INPP4B: variants seen among roughly 807,000 people sequenced by gnomAD.
INPP4B encodes the protein inositol polyphosphate 4-phosphatase type II.
A neutral mutation model predicts 122.5 loss-of-function variants in INPP4B; 55 were observed. The ratio of observed to expected loss-of-function variants is 0.45; its 90% CI spans 0.36 to 0.56. The LOEUF (loss-of-function observed/expected upper bound fraction) is 0.56. Ranked by LOEUF, INPP4B falls within the 20% of genes least tolerant of loss-of-function variation. The probability of loss-of-function intolerance (pLI) is 0.00; values close to 1 mark genes in which losing one functional copy is unlikely to be tolerated. For synonymous variants in INPP4B, 403 were observed against 388.7 expected (o/e 1.04, Z -0.43); for missense variants, 1,000 against 1,097.7 (o/e 0.91, Z 1.26).
intron 7 of INPP4B, among the ~76,000 whole-genome samples, chr4:142,381,741 T>G (rs1340606243): frequency 6.6e-6 from 1 of 152,120 alleles, no homozygotes; most frequent in Non-Finnish European, 1.5e-5. Context: ...TAATAAACTG[T>G]AATATTATTT....
At position 142,026,587 on chromosome 4, in the gene INPP4B, C is replaced by T. The variant is rs1349402502; in HGVS notation, c.*2195G>A. The T allele has an allele frequency of 6.6e-6, 1 of 152,530 alleles. No homozygotes were observed. The highest frequency in any genetic ancestry group is 2.1e-4 in the South Asian group (1 of 4,844). 9.4% of individuals were successfully genotyped at this position (152,530 alleles called of 1,614,324 possible). ...GTTCAAGCGATTCTCTTGCCTCAGC[C>T]TCCCAAGTAGCTGGGATTACACGTG... On this transcript the variant is annotated 3_prime_UTR_variant, in exon 26 of 26. Transcript: ENST00000262992.
At chr4:142,499,400 C>A (rs1178950337) in intron 2 of INPP4B, among the ~76,000 whole-genome samples, 1 of 151,956 alleles carries the variant, frequency 6.6e-6, no homozygotes, top group Non-Finnish European at 1.5e-5. Flanking sequence ...GGGATTTTAA[C>A]AAGAAACTCA....
At chr4:142,311,650 T>C (rs1346590671) in intron 8 of INPP4B, among the ~76,000 whole-genome samples, 1 of 152,194 alleles carries the variant, frequency 6.6e-6, no homozygotes, top group African/African-American at 2.4e-5. Context: ...CTTTCTGCCC[T>C]TTCTTCATTA....
rs183656898 is a variant in INPP4B at position 142,488,614 on chromosome 4, G to C, written c.-190-25888C>G. 7.0e-4 allele frequency among the ~76,000 whole-genome samples: 106 copies of C among 152,128 alleles called. 1 individual carries two copies. The highest frequency in any genetic ancestry group is 2.5e-3 in the African/African-American group (104 of 41,548). Reference sequence around the variant, plus strand: ...TTACTTATGTCAATTTTGTTAAGTTGTGATTTTTTAAGAGAATTCTTCATT... The same window carrying C: ...TTACTTATGTCAATTTTGTTAAGTTCTGATTTTTTAAGAGAATTCTTCATT... On this transcript the variant is annotated intron_variant, in intron 2 of 25. Transcript: ENST00000262992.
At chr4:142,194,137 G>A (rs1399756651) in intron 14 of INPP4B, among the ~76,000 whole-genome samples, 1 of 152,076 alleles carries the variant, frequency 6.6e-6, no homozygotes, top group Non-Finnish European at 1.5e-5. Flanking sequence ...GTTCAATCCA[G>A]ATGCATCTAA....
intron 14 of INPP4B, among the ~76,000 whole-genome samples, chr4:142,199,411 T>C (rs1315879386): frequency 6.6e-6 from 1 of 152,024 alleles, no homozygotes; most frequent in African/African-American, 2.4e-5. Context: ...AATATGTATA[T>C]ATATTCTGGA....
intron 23 of INPP4B, among the ~76,000 whole-genome samples, chr4:142,098,823 T>C (rs979036482): frequency 2.0e-5 from 3 of 152,000 alleles, no homozygotes; most frequent in Non-Finnish European, 4.4e-5. Context: ...GCTGGAGATG[T>C]AGATATGAAG....
chr4:142,646,359 A>T (rs1480491982), intron 2 of INPP4B, among the ~76,000 whole-genome samples: 1 of 152,108 alleles, frequency 6.6e-6, no homozygotes, highest in East Asian at 1.9e-4. Context: ...TCCTATTTTT[A>T]AAAAAGAAGA....
At position 142,023,265 on chromosome 4, in the gene INPP4B, A is replaced by T. The variant is rs904367566; in HGVS notation, c.*5517T>A. ...AAAATGATATCTCTTAAATGCCAAC[A>T]TAAAATGATCTATTTATGCCTAGAA... On this transcript the variant is annotated 3_prime_UTR_variant, in exon 26 of 26. Coordinates refer to ENST00000262992, the MANE Select transcript of INPP4B (RefSeq NM_001101669.3). 1.1e-4 allele frequency: 16 copies of T among 152,204 alleles called. No homozygotes were observed. The highest frequency in any genetic ancestry group is 3.6e-4 in the African/African-American group (15 of 41,458). 9.4% of individuals were successfully genotyped at this position (152,204 alleles called of 1,614,324 possible). A position where few individuals can be genotyped will look rare whatever the true frequency, so the allele number is the denominator to read the frequency against.
intron 2 of INPP4B, among the ~76,000 whole-genome samples, chr4:142,553,999 G>T (rs2150088096): frequency 6.6e-6 from 1 of 152,076 alleles, no homozygotes; most frequent in African/African-American, 2.4e-5. Context: ...GACCAGCCTG[G>T]CCAACATGCT....
intron 1 of INPP4B, among the ~76,000 whole-genome samples, chr4:142,830,629 C>T (rs561312558): frequency 6.6e-6 from 1 of 152,076 alleles, no homozygotes; most frequent in South Asian, 2.1e-4. Context: ...ATAATGGCCA[C>T]ATAGAGATCC....
chr4:142,720,579 TATAA>T (rs947627032), intron 2 of INPP4B, among the ~76,000 whole-genome samples: 5 of 151,548 alleles, frequency 3.3e-5, no homozygotes, highest in African/African-American at 1.2e-4. Flanking sequence ...GTAAACGCTA[TATAA>T]ATAGTTGTTT....
intron 7 of INPP4B, among the ~76,000 whole-genome samples, chr4:142,381,834 C>A (rs970265426): frequency 6.6e-6 from 1 of 152,042 alleles, no homozygotes; most frequent in South Asian, 2.1e-4. Flanking sequence ...CCATCAAAAT[C>A]ATAGTTAATT....
intron 3 of INPP4B, among the ~76,000 whole-genome samples, chr4:142,434,717 G>C (rs1410160828): frequency 6.6e-6 from 1 of 152,124 alleles, no homozygotes; most frequent in Non-Finnish European, 1.5e-5. Flanking sequence ...CCAAAACTCA[G>C]TAGGTTTTCT....
chr4:142,024,732 C>A lies in INPP4B; in HGVS notation c.*4050G>T, dbSNP rs1394132306. The A allele has an allele frequency of 6.6e-6, 1 of 152,030 alleles. No individual in the cohort carries two copies. The highest frequency in any genetic ancestry group is 6.6e-5 in the Admixed American group (1 of 15,252). 9.4% of individuals were successfully genotyped at this position (152,030 alleles called of 1,614,324 possible). ...CAGTAATATGTTACTGTTTTTCCTA[C>A]TTTTAGCAAATGCCAAAATTATAAA... On this transcript the variant is annotated 3_prime_UTR_variant, in exon 26 of 26. Coordinates refer to ENST00000262992, the MANE Select transcript of INPP4B (RefSeq NM_001101669.3).
chr4:142,737,457 T>A (rs112764509), intron 1 of INPP4B, among the ~76,000 whole-genome samples: 1 of 152,002 alleles, frequency 6.6e-6, no homozygotes, highest in Non-Finnish European at 1.5e-5. Context: ...ATACAAAAAT[T>A]AATTCAAGAT....
intron 2 of INPP4B, among the ~76,000 whole-genome samples, chr4:142,716,955 T>G (rs994467717): frequency 1.3e-5 from 2 of 152,218 alleles, no homozygotes; most frequent in Admixed American, 6.5e-5. Flanking sequence ...AAGTAAAACC[T>G]CTAATTCAGT....
chr4:142,773,074 A>G (rs1773335663), intron 1 of INPP4B, among the ~76,000 whole-genome samples: 1 of 152,126 alleles, frequency 6.6e-6, no homozygotes, highest in Admixed American at 6.6e-5. Context: ...AAAAATAAAT[A>G]AAGACACAAT....
intron 25 of INPP4B, among the ~76,000 whole-genome samples, chr4:142,042,902 A>G (rs1749019050): frequency 6.6e-6 from 1 of 152,162 alleles, no homozygotes; most frequent in Non-Finnish European, 1.5e-5. Context: ...TCCCAGTGAT[A>G]GAATCTTGCT....
Sources: gnomAD v4.1 joint callset for allele counts (sites outside exome capture counted in the v4.1 genomes callset) on GRCh38, gnomAD v4.1.1 for gene constraint, MANE v1.5 for transcripts, NCBI Gene and HGNC (gene_info 2026-07-23, HGNC 2026-07-21) for gene names.